The following MEF2C variants were observed in gnomAD, a reference collection of about 807,000 sequenced individuals.
The protein encoded by MEF2C is myocyte enhancer factor 2C.
A neutral mutation model predicts 50.5 loss-of-function variants in MEF2C; 6 were observed. That is an observed-to-expected ratio of 0.12 (90% CI 0.07 to 0.23). The LOEUF is 0.23. MEF2C is among the 10% of genes least tolerant of loss of function. MEF2C has a pLI of 1.00. For synonymous variants in MEF2C, 183 were observed against 228.0 expected (o/e 0.80, Z 1.78); for missense variants, 276 against 605.0 (o/e 0.46, Z 5.70).
chr5:88,844,607 C>T, intron 1 of MEF2C: 1 of 800,780 alleles, frequency 1.2e-6, no homozygotes, highest in Non-Finnish European at 1.5e-6. Flanking sequence ...GTAGTTTTAA[C>T]ACAGTACACC....
At chr5:88,807,816 T>C (rs1280759433) in intron 2 of MEF2C, among the ~76,000 whole-genome samples, 1 of 152,222 alleles carries the variant, frequency 6.6e-6, no homozygotes, top group Non-Finnish European at 1.5e-5. Context: ...GATAAAGCTG[T>C]AGTGACCATC....
At chr5:88,828,859 T>C (rs1310127769) in intron 1 of MEF2C, among the ~76,000 whole-genome samples, 1 of 152,014 alleles carries the variant, frequency 6.6e-6, no homozygotes, top group East Asian at 1.9e-4. Context: ...GCGTGATGTC[T>C]TGAGTTGAGG....
intron 6 of MEF2C, chr5:88,748,704 G>T: frequency 1.1e-6 from 1 of 903,476 alleles, no homozygotes; most frequent in South Asian, 5.1e-5. Context: ...ATACTTCTTT[G>T]GCTGGAAAAT....
intron 6 of MEF2C, chr5:88,742,795 A>G (rs1028358963): frequency 1.0e-6 from 1 of 985,254 alleles, no homozygotes; most frequent in African/African-American, 1.7e-5. Context: ...TGGTTTATCT[A>G]TAATTTGCTT....
chr5:88,894,159 AC>A (rs2150261060), intron 1 of MEF2C, among the ~76,000 whole-genome samples: 1 of 152,296 alleles, frequency 6.6e-6, no homozygotes, highest in East Asian at 1.9e-4. Context: ...TCAAAGAACA[AC>A]CTTTTAGACA....
chr5:88,759,997 GTC>G (rs985907283), intron 4 of MEF2C, among the ~76,000 whole-genome samples: 11 of 152,178 alleles, frequency 7.2e-5, no homozygotes, highest in Non-Finnish European at 1.2e-4. Flanking sequence ...TTTCACTTCA[GTC>G]TCTCTCATTT....
intron 1 of MEF2C, among the ~76,000 whole-genome samples, chr5:88,901,902 A>G (rs184996258): frequency 7.6e-4 from 115 of 152,096 alleles, no homozygotes; most frequent in African/African-American, 2.5e-3. Context: ...GCTATATTTA[A>G]TATTATTTCC....
chr5:88,853,445 A>G (rs377459474), intron 1 of MEF2C, among the ~76,000 whole-genome samples: 81 of 152,314 alleles, frequency 5.3e-4, no homozygotes, highest in African/African-American at 1.8e-3. Context: ...ACATTTAGTA[A>G]GTTGAAACAG....
chr5:88,839,824 T>G lies in MEF2C; in HGVS notation c.-142-15894A>C, dbSNP rs563177753. 3.0e-4 allele frequency among the ~76,000 whole-genome samples: 45 copies of G among 152,260 alleles called. No individual in the cohort carries two copies. The South Asian group carries it at 8.1e-3, about 27-fold the overall frequency. On this transcript the variant is annotated intron_variant, in intron 1 of 10. Transcript: ENST00000504921. Reference sequence around the variant, plus strand: ...ATAACAAAACCTCTACCAAGTCCCTTTGAAATAAATTAGTTAATATGAATA... The same window carrying G: ...ATAACAAAACCTCTACCAAGTCCCTGTGAAATAAATTAGTTAATATGAATA...
At chr5:88,826,158 G>T (rs1451824951) in intron 1 of MEF2C, among the ~76,000 whole-genome samples, 1 of 151,716 alleles carries the variant, frequency 6.6e-6, no homozygotes. Context: ...AAAGAGCAGA[G>T]CAAGGACTTA....
intron 3 of MEF2C, chr5:88,772,679 C>T (rs1782912403): frequency 1.1e-6 from 1 of 950,552 alleles, no homozygotes; most frequent in Non-Finnish European, 1.3e-6. Flanking sequence ...CTTCTTCCCA[C>T]ATAATACGTG....
chr5:88,738,550 G>T (rs1312647645), intron 6 of MEF2C: 2 of 939,482 alleles, frequency 2.1e-6, no homozygotes, highest in African/African-American at 3.6e-5. Context: ...GTGAAGCTAT[G>T]ATTTGAACCC....
At chr5:88,786,690 C>T (rs1257440395) in intron 3 of MEF2C, among the ~76,000 whole-genome samples, 1 of 151,998 alleles carries the variant, frequency 6.6e-6, no homozygotes, top group African/African-American at 2.4e-5. Flanking sequence ...ATACATACTA[C>T]ATATATGTGT....
At chr5:88,884,944 C>T (rs149298572), upstream of MEF2C, among the ~76,000 whole-genome samples, 839 of 152,110 alleles carry the variant, frequency 5.5e-3, 8 homozygotes, top group African/African-American at 0.019. Flanking sequence ...GACAAGATTG[C>T]ATGCCAGTAG....
intron 1 of MEF2C, among the ~76,000 whole-genome samples, chr5:88,900,442 A>G (rs541837981): frequency 1.3e-5 from 2 of 151,680 alleles, no homozygotes; most frequent in South Asian, 2.1e-4. Flanking sequence ...TATATTTTTG[A>G]TTTCTACATT....
At chr5:88,774,631 T>G (rs1045561336) in intron 3 of MEF2C, among the ~76,000 whole-genome samples, 2 of 152,226 alleles carry the variant, frequency 1.3e-5, no homozygotes, top group African/African-American at 4.8e-5. Flanking sequence ...AGATTACTTG[T>G]AGAGATGGAG....
At chr5:88,839,173 C>G (rs1485912413) in intron 1 of MEF2C, 1 of 152,012 alleles carries the variant, frequency 6.6e-6, no homozygotes, top group Non-Finnish European at 1.5e-5. Flanking sequence ...GACTTTTTTC[C>G]TACTTTCATA....
intron 1 of MEF2C, among the ~76,000 whole-genome samples, chr5:88,862,690 C>A (rs1241501266): frequency 6.6e-6 from 1 of 152,136 alleles, no homozygotes; most frequent in Non-Finnish European, 1.5e-5. Context: ...GTCCCATATC[C>A]CTTGTCAAAA....
intron 1 of MEF2C, among the ~76,000 whole-genome samples, chr5:88,872,357 C>T (rs139620115): frequency 1.3e-4 from 20 of 151,928 alleles, no homozygotes; most frequent in African/African-American, 4.8e-4. Context: ...TCTTTGGTTC[C>T]ATTTCTGGTT....
Sources: gnomAD v4.1 joint callset for allele counts (sites outside exome capture counted in the v4.1 genomes callset) on GRCh38, gnomAD v4.1.1 for gene constraint, MANE v1.5 for transcripts, NCBI Gene and HGNC (gene_info 2026-07-23, HGNC 2026-07-21) for gene names.